The following NDST1 variants were observed in gnomAD, a reference collection of about 807,000 sequenced individuals.
The protein encoded by NDST1 is bifunctional heparan sulfate N-deacetylase/N-sulfotransferase 1.
Under a neutral mutation model 92.8 loss-of-function variants are expected in NDST1, and 35 were observed. The ratio of observed to expected loss-of-function variants is 0.38; its 90% confidence interval spans 0.29 to 0.50. The LOEUF (loss-of-function observed/expected upper bound fraction) is 0.50. Among genes scored for constraint, NDST1 ranks in the 20% least tolerant of loss-of-function variants. NDST1 has a pLI of 0.94. For synonymous variants in NDST1, 493 were observed against 500.3 expected (o/e 0.99, Z 0.19); for missense variants, 822 against 1,182.7 (o/e 0.69, Z 4.47).
intron 2 of NDST1, among the ~76,000 whole-genome samples, chr5:150,524,409 A>T (rs1005518532): frequency 1.3e-5 from 2 of 152,256 alleles, no homozygotes; most frequent in Non-Finnish European, 2.9e-5. Context: ...GAATAGGGTC[A>T]TCCTCATCTG....
In NDST1 at chr5:150,553,548, G is replaced by T; in HGVS notation, c.*216G>T. 1 of 590,276 alleles carries T rather than the reference G, an allele frequency of 1.7e-6. No individual in the cohort carries two copies. The allele number at this position is 590,276 out of a possible 1,614,324, so 36.6% of individuals were successfully genotyped here. ...GTCTGCGGCCTAAGGGACCTCCCTC[G>T]CCAGCAGAGGTCCATTCCGTTCCCA... is the stretch of plus-strand genomic sequence containing the variant. On this transcript the variant is annotated 3_prime_UTR_variant, in exon 15 of 15. Transcript: ENST00000261797. The surrounding 1 kb of genome is among the most constrained non-coding windows in gnomAD (Gnocchi z 4.2).
chr5:150,505,285 A>C (rs910677014), upstream of NDST1, among the ~76,000 whole-genome samples: 1 of 152,160 alleles, frequency 6.6e-6, no homozygotes, highest in East Asian at 1.9e-4. Flanking sequence ...CTGCCTTCAC[A>C]TTAGCCCCGG....
chr5:150,526,813 C>T (rs1387766852), intron 2 of NDST1, among the ~76,000 whole-genome samples: 2 of 152,088 alleles, frequency 1.3e-5, no homozygotes, highest in Non-Finnish European at 2.9e-5. Flanking sequence ...GGGCAGGTGG[C>T]TGAGAGGGTG....
In NDST1 at chr5:150,555,144, G is replaced by T. The variant is rs1452372783; in HGVS notation, c.*1812G>T. 1.3e-5 allele frequency: 2 copies of T among 152,782 alleles called. No homozygotes were observed. The highest frequency in any genetic ancestry group is 2.9e-5 in the Non-Finnish European group (2 of 68,206). The allele number at this position is 152,782 out of a possible 1,614,324, so 9.5% of individuals were successfully genotyped here. On this transcript the variant is annotated 3_prime_UTR_variant, in exon 15 of 15. Coordinates refer to ENST00000261797, the MANE Select transcript of NDST1 (RefSeq NM_001543.5). ...AGTCCCATCGTGCTCCTCTTCCAATGCCACACTGCCTCTGAGCCCATCCTT... is the reference window on the plus strand; with the variant it reads ...AGTCCCATCGTGCTCCTCTTCCAATTCCACACTGCCTCTGAGCCCATCCTT...
intron 1 of NDST1, among the ~76,000 whole-genome samples, chr5:150,519,592 G>A (rs1754146865): frequency 6.6e-6 from 1 of 152,150 alleles, no homozygotes; most frequent in African/African-American, 2.4e-5. Context: ...GGAGGCTGAG[G>A]CAGGAGAATC....
intron 1 of NDST1, among the ~76,000 whole-genome samples, chr5:150,498,606 G>C (rs2151230776): frequency 6.6e-6 from 1 of 152,140 alleles, no homozygotes; most frequent in East Asian, 1.9e-4. Flanking sequence ...CCTGAGGCAG[G>C]GTTATGTAAC....
Position 150,558,087 on chromosome 5 carries a change from G to T in NDST1, c.*4755G>T, listed in dbSNP as rs368119366. ...GGGGTGGGGAGAGTGGGGAGAGGGG[G>T]TGCTATCCAGTTCGCCTGATGAGGG... On this transcript the variant is annotated 3_prime_UTR_variant, in exon 15 of 15. Transcript: ENST00000261797. The T allele has an allele frequency of 6.6e-6, 1 of 151,884 alleles. No individual in the cohort carries two copies. The highest frequency in any genetic ancestry group is 1.5e-5 in the Non-Finnish European group (1 of 67,844). The allele number at this position is 151,884 out of a possible 1,614,324, so 9.4% of individuals were successfully genotyped here.
intron 5 of NDST1, chr5:150,535,244 C>T: frequency 1.5e-5 from 14 of 933,332 alleles, no homozygotes; most frequent in Non-Finnish European, 1.8e-5. Flanking sequence ...GAGGTCACAC[C>T]AGCTACTAAG....
At chr5:150,518,782 GC>G (rs1280512385) in intron 1 of NDST1, 1 of 139,348 alleles carries the variant, frequency 7.2e-6, no homozygotes, top group African/African-American at 2.7e-5. Context: ...TATTATAATT[GC>G]TTTTTTTTTT....
intron 1 of NDST1, among the ~76,000 whole-genome samples, chr5:150,508,722 G>T (rs984190071): frequency 2.6e-5 from 4 of 152,142 alleles, no homozygotes; most frequent in Admixed American, 6.5e-5. Flanking sequence ...AAAGCCAGAG[G>T]GGCCCCTAGA....
At position 150,533,038 on chromosome 5, in the gene NDST1, TG is replaced by T; in HGVS notation, c.1096+9del. 3 of 1,613,772 alleles carry T rather than the reference TG, an allele frequency of 1.9e-6. No individual in the cohort carries two copies. The highest frequency in any genetic ancestry group is 2.5e-6 in the Non-Finnish European group (3 of 1,179,634). ...AGGGAAATTCTTCCACACAGGTAAGTGGGCCTGCCCCTGCCCTCACTAGCAA... is the reference window on the plus strand; with the variant it reads ...AGGGAAATTCTTCCACACAGGTAAGTGGCCTGCCCCTGCCCTCACTAGCAA... On this transcript the variant is annotated splice_region_variant and intron_variant, in intron 4 of 14. Coordinates refer to ENST00000261797, the MANE Select transcript of NDST1 (RefSeq NM_001543.5).
chr5:150,507,962 TAAG>T (rs1357429079), upstream of NDST1: 2 of 152,284 alleles, frequency 1.3e-5, no homozygotes, highest in East Asian at 3.9e-4. Context: ...TTTCTGAGGT[TAAG>T]GAGGTAGGGG....
At chr5:150,509,469 C>A (rs1479754140) in intron 1 of NDST1, among the ~76,000 whole-genome samples, 1 of 152,192 alleles carries the variant, frequency 6.6e-6, no homozygotes, top group East Asian at 1.9e-4. Context: ...CTGACCCTCG[C>A]TCCTGCCTCT....
In NDST1 at chr5:150,521,918, G is replaced by A. The variant is rs990272918; in HGVS notation, c.513+151G>A. 19 of 1,049,006 alleles carry A rather than the reference G, an allele frequency of 1.8e-5. No homozygotes were observed. Among genetic ancestry groups the A allele is most frequent in the Admixed American group, 4.0e-5 (2 of 49,476 alleles). 65.0% of individuals were successfully genotyped at this position (1,049,006 alleles called of 1,614,324 possible). ...AGTGAGTATATGTAAAGCACTGGGA[G>A]CATGCGGTGCCCACTGCCTGGCAAG... On this transcript the variant is annotated intron_variant, in intron 2 of 14. Coordinates refer to ENST00000261797, the MANE Select transcript of NDST1 (RefSeq NM_001543.5). This position sits in a 1 kb window ranked among gnomAD's most constrained non-coding sequence, Gnocchi z 5.9.
At chr5:150,548,442 G>C in intron 12 of NDST1, 54 bp downstream of exon 12, 1 of 1,584,856 alleles carries the variant, frequency 6.3e-7, no homozygotes, top group Non-Finnish European at 8.5e-7. Context: ...GCTTGCTGTG[G>C]TTAGCGGAGA....
intron 2 of NDST1, among the ~76,000 whole-genome samples, chr5:150,525,762 G>A (rs1754447154): frequency 6.6e-6 from 1 of 152,048 alleles, no homozygotes. Flanking sequence ...CCCTGCCCCC[G>A]CCACTGACCT....
At chr5:150,529,949 C>T (rs1004935507) in intron 3 of NDST1, among the ~76,000 whole-genome samples, 5 of 152,178 alleles carry the variant, frequency 3.3e-5, no homozygotes, top group Admixed American at 1.3e-4. Flanking sequence ...GGATGACATT[C>T]GGGAGCAGGC....
In NDST1 at chr5:150,535,798, G is replaced by A. The variant is rs1178146406; in HGVS notation, c.1350G>A (p.Val450=). The A allele has an allele frequency of 6.2e-7, 1 of 1,614,220 alleles. No individual in the cohort carries two copies. Among genetic ancestry groups the A allele is most frequent in the Non-Finnish European group, 8.5e-7 (1 of 1,180,038 alleles). ...HVQLYEAWKQ[V]WSIRVTSTEE... The stretch of plus-strand genomic sequence containing the variant: ...AGCTGTACGAGGCTTGGAAGCAGGT[G>A]TGGAGCATCCGCGTGACCAGCACGG... The change falls in exon 6 of 15, where the codon GTG becomes GTA. Residue 450 remains valine (V), a synonymous_variant. Transcript: ENST00000261797.
chr5:150,503,843 C>T (rs1753334783), upstream of NDST1, among the ~76,000 whole-genome samples: 1 of 152,176 alleles, frequency 6.6e-6, no homozygotes, highest in African/African-American at 2.4e-5. Flanking sequence ...TATAGGACCC[C>T]TTGTCTCTAT....
Sources: allele counts gnomAD v4.1 joint callset (sites outside exome capture counted in the v4.1 genomes callset), GRCh38; gene constraint gnomAD v4.1.1; non-coding constraint Gnocchi (gnomAD v3.1); transcripts MANE v1.5; gene names NCBI Gene and HGNC (gene_info 2026-07-23, HGNC 2026-07-21).